TNR: variants seen among roughly 807,000 people sequenced by gnomAD.
TNR encodes tenascin-R.
In TNR, 45 loss-of-function variants were observed where a neutral mutation model predicts 150.4. The observed-to-expected ratio is 0.30, with a 90% CI of 0.24 to 0.38. The LOEUF is 0.38. Among genes scored for constraint, TNR ranks in the 10% least tolerant of loss-of-function variants. The pLI is 1.00. For synonymous variants in TNR, 687 were observed against 678.4 expected, an observed-to-expected ratio of 1.01 and a Z score of -0.20; for missense variants, 1,544 against 1,759.1, an observed-to-expected ratio of 0.88 and a Z score of 2.19.
At chr1:175,323,529 C>G in intron 22 of TNR, 53 bp from the exon 23 acceptor site, 2 of 1,583,632 alleles carry the variant, frequency 1.3e-6, no homozygotes, top group Non-Finnish European at 1.7e-6. Context: ...TGGAACGCCC[C>G]ACTTCAAAAA....
At chr1:175,557,445 A>G (rs1348935268) in intron 1 of TNR, among the ~76,000 whole-genome samples, 1 of 152,208 alleles carries the variant, frequency 6.6e-6, no homozygotes, top group Non-Finnish European at 1.5e-5. Flanking sequence ...GTGTGTGAGG[A>G]GGATAACAGA....
chr1:175,682,156 G>A lies in TNR; in HGVS notation c.-165+61070C>T, dbSNP rs534349929. Among the ~76,000 whole-genome samples the A allele has an allele frequency of 5.0e-4, 76 of 152,270 alleles. 1 individual carries two copies. Among genetic ancestry groups the A allele is most frequent in the South Asian group, 1.0e-3 (5 of 4,822 alleles). ...TTTACTAAACCAGGCTCATGGTGTT[G>A]GAATTGAGCCTGAAGTAACAAACAT... On this transcript the variant is annotated intron_variant, in intron 1 of 22. Coordinates refer to ENST00000367674, the MANE Select transcript of TNR (RefSeq NM_003285.3).
chr1:175,544,160 C>T (rs957480735), intron 1 of TNR, among the ~76,000 whole-genome samples: 3 of 152,108 alleles, frequency 2.0e-5, no homozygotes, highest in African/African-American at 4.8e-5. Context: ...TCTTAAGCAA[C>T]GAAGAGGCAA....
chr1:175,578,368 G>A (rs1284140394), intron 1 of TNR, among the ~76,000 whole-genome samples: 1 of 152,144 alleles, frequency 6.6e-6, no homozygotes, highest in Non-Finnish European at 1.5e-5. Context: ...GATTAAAAAG[G>A]AGGGAGAGGA....
intron 1 of TNR, among the ~76,000 whole-genome samples, chr1:175,661,797 T>TCC (rs60963071): frequency 3.0e-5 from 3 of 101,354 alleles, no homozygotes; most frequent in South Asian, 8.3e-4. Flanking sequence ...CCCTCCCCCC[T>TCC]CCCCCCACCC....
At chr1:175,550,514 C>T (rs1483928475) in intron 1 of TNR, among the ~76,000 whole-genome samples, 5 of 150,690 alleles carry the variant, frequency 3.3e-5, no homozygotes, top group African/African-American at 9.8e-5. Context: ...CCATCCTTTT[C>T]CCCTTTCCCT....
At chr1:175,544,617 A>G (rs1660616810) in intron 1 of TNR, among the ~76,000 whole-genome samples, 1 of 152,194 alleles carries the variant, frequency 6.6e-6, no homozygotes. Context: ...TATTGGTGCT[A>G]ATTGGTGTTA....
intron 2 of TNR, among the ~76,000 whole-genome samples, chr1:175,476,404 AG>A (rs1222026835): frequency 2.6e-5 from 4 of 152,116 alleles, no homozygotes; most frequent in Non-Finnish European, 5.9e-5. Context: ...TGCTTTTGGG[AG>A]GAACTTCTCT....
chr1:175,726,778 T>C (rs1667492211), intron 1 of TNR, among the ~76,000 whole-genome samples: 2 of 152,362 alleles, frequency 1.3e-5, no homozygotes, highest in South Asian at 2.1e-4. Context: ...TTTTAAAATA[T>C]TATTTTTTCA....
rs754333098 is a variant in TNR, at chr1:175,417,075, G to GAAAGAAAGAAAGAAAGAAAGAA, written c.-63-10299_-63-10298insTTCTTTCTTTCTTTCTTTCTTT. Among the ~76,000 whole-genome samples the GAAAGAAAGAAAGAAAGAAAGAA allele has an allele frequency of 2.9e-3, 400 of 138,274 alleles. 5 individuals carry two copies. Among genetic ancestry groups the GAAAGAAAGAAAGAAAGAAAGAA allele is most frequent in the Non-Finnish European group, 4.1e-3 (261 of 63,652 alleles). The allele number at this position is 138,274 out of a possible 152,430, so 90.7% of individuals were successfully genotyped here. A position where few individuals can be genotyped will look rare whatever the true frequency, so the allele number is the denominator to read the frequency against. ...AGAAAGAAAGAAAGAAAGAAAGAAAGAAATCTAAGAAGTGGTCTCTTCCCT... is the reference window on the plus strand; with the variant it reads ...AGAAAGAAAGAAAGAAAGAAAGAAAGAAAGAAAGAAAGAAAGAAAGAAAAATCTAAGAAGTGGTCTCTTCCCT... On this transcript the variant is annotated intron_variant, in intron 2 of 22. Transcript: ENST00000367674.
intron 1 of TNR, among the ~76,000 whole-genome samples, chr1:175,707,840 C>T (rs1241296741): frequency 4.6e-5 from 7 of 152,100 alleles, no homozygotes; most frequent in Non-Finnish European, 1.0e-4. Flanking sequence ...TAAATTAAGT[C>T]GTTCCTTTTG....
intron 1 of TNR, among the ~76,000 whole-genome samples, chr1:175,695,569 G>T (rs925347805): frequency 6.6e-6 from 1 of 152,120 alleles, no homozygotes. Flanking sequence ...CTCTTGTCTT[G>T]CTCTCTGAGC....
At chr1:175,538,141 G>A (rs572696583) in intron 1 of TNR, among the ~76,000 whole-genome samples, 1 of 152,266 alleles carries the variant, frequency 6.6e-6, no homozygotes, top group East Asian at 1.9e-4. Context: ...AAGACACAAG[G>A]GGTCCATTGG....
intron 1 of TNR, among the ~76,000 whole-genome samples, chr1:175,696,223 T>TTTG (rs764291570): frequency 0.015 from 1,860 of 126,148 alleles, 61 homozygotes; most frequent in Admixed American, 0.018. Context: ...TGTAGTTTTT[T>TTTG]TTTTTTTTTT....
At chr1:175,484,967 C>G (rs916934910) in intron 2 of TNR, among the ~76,000 whole-genome samples, 1 of 152,130 alleles carries the variant, frequency 6.6e-6, no homozygotes, top group Non-Finnish European at 1.5e-5. Flanking sequence ...ATGATCCCAG[C>G]AAAGAAGTTT....
At chr1:175,508,389 C>T (rs1659040223) in intron 2 of TNR, among the ~76,000 whole-genome samples, 1 of 152,198 alleles carries the variant, frequency 6.6e-6, no homozygotes, top group Non-Finnish European at 1.5e-5. Flanking sequence ...CATGCCACCT[C>T]CTGGTATTCA....
At chr1:175,517,502 A>C (rs1659462892) in intron 2 of TNR, among the ~76,000 whole-genome samples, 1 of 152,150 alleles carries the variant, frequency 6.6e-6, no homozygotes, top group African/African-American at 2.4e-5. Context: ...TCTTCTCCTT[A>C]TAAGGGACAC....
chr1:175,601,280 G>T (rs1175789070), intron 1 of TNR, among the ~76,000 whole-genome samples: 1 of 152,226 alleles, frequency 6.6e-6, no homozygotes, highest in Non-Finnish European at 1.5e-5. Flanking sequence ...CAGAGATGCG[G>T]CCCTGAGGCG....
chr1:175,616,463 C>T (rs972408226), intron 1 of TNR, among the ~76,000 whole-genome samples: 1 of 152,144 alleles, frequency 6.6e-6, no homozygotes, highest in East Asian at 1.9e-4. Flanking sequence ...GTGAAAGTGG[C>T]CACCTCTCTG....
Sources: allele counts gnomAD v4.1 joint callset (sites outside exome capture counted in the v4.1 genomes callset), GRCh38; gene constraint gnomAD v4.1.1; transcripts MANE v1.5; gene names NCBI Gene and HGNC (gene_info 2026-07-23, HGNC 2026-07-21).